Variants in RNF130 observed in about 807,000 individuals in gnomAD.
The protein encoded by RNF130 is E3 ubiquitin-protein ligase RNF130.
RNF130 carries 21 observed loss-of-function variants against 44.6 expected under a neutral mutation model. That is an observed-to-expected ratio of 0.47 (90% CI 0.33 to 0.68). The LOEUF (loss-of-function observed/expected upper bound fraction) is 0.68, where lower values mean the gene tolerates loss of function less well. Among genes scored for constraint, RNF130 ranks in the 30% least tolerant of loss-of-function variants. The pLI, the probability that RNF130 is intolerant of heterozygous loss-of-function variation, is 0.02. For missense variants in RNF130, 479 were observed against 560.6 expected, an observed-to-expected ratio of 0.85 and a Z score of 1.47; for synonymous variants, 214 against 210.4, an observed-to-expected ratio of 1.02 and a Z score of -0.15.
intron 7 of RNF130, among the ~76,000 whole-genome samples, chr5:179,949,406 C>G (rs1263669075): frequency 6.6e-6 from 1 of 151,410 alleles, no homozygotes; most frequent in Non-Finnish European, 1.5e-5. Context: ...CTTATAAGAA[C>G]AAGCCACCAT....
intron 2 of RNF130, among the ~76,000 whole-genome samples, chr5:180,036,418 C>T (rs777720835): frequency 2.0e-5 from 3 of 152,190 alleles, no homozygotes; most frequent in Non-Finnish European, 4.4e-5. Context: ...TGGTGTCATT[C>T]ACCACTGCAA....
chr5:179,942,598 C>T (rs571991127), intron 7 of RNF130, among the ~76,000 whole-genome samples: 49 of 152,150 alleles, frequency 3.2e-4, no homozygotes, highest in African/African-American at 1.1e-3. Context: ...ATTGTTGATG[C>T]GGATGCAAAA....
intron 2 of RNF130, among the ~76,000 whole-genome samples, chr5:180,030,786 T>C (rs750640668): frequency 6.6e-6 from 1 of 152,254 alleles, no homozygotes; most frequent in Non-Finnish European, 1.5e-5. Context: ...AATGGAATCA[T>C]ATAATAGTAG....
At chr5:179,965,380 G>A (rs557452193) in intron 7 of RNF130, among the ~76,000 whole-genome samples, 6 of 152,310 alleles carry the variant, frequency 3.9e-5, no homozygotes, top group Non-Finnish European at 5.9e-5. Flanking sequence ...GTTCAATCAC[G>A]TGGGTTTTAT....
At chr5:179,999,629 G>C (rs1763288548) in intron 3 of RNF130, among the ~76,000 whole-genome samples, 1 of 152,112 alleles carries the variant, frequency 6.6e-6, no homozygotes, top group African/African-American at 2.4e-5. Context: ...AGGCAGGAGA[G>C]TTGTTTGAAC....
chr5:179,988,878 T>G (rs866279493), intron 3 of RNF130, among the ~76,000 whole-genome samples: 1 of 152,252 alleles, frequency 6.6e-6, no homozygotes, highest in Non-Finnish European at 1.5e-5. Context: ...CAGTGTTCTG[T>G]AAATGTCTGT....
At chr5:180,056,223 A>G (rs577336623) in intron 1 of RNF130, among the ~76,000 whole-genome samples, 1 of 151,686 alleles carries the variant, frequency 6.6e-6, no homozygotes, top group African/African-American at 2.4e-5. Context: ...TCTTAGCCTA[A>G]GTGTTGAGCC....
intron 3 of RNF130, among the ~76,000 whole-genome samples, chr5:180,007,691 C>T (rs1300554907): frequency 1.3e-5 from 2 of 152,220 alleles, no homozygotes; most frequent in Non-Finnish European, 2.9e-5. Context: ...ATCCTGCATG[C>T]AGTCAGCCGC....
chr5:179,994,783 T>C (rs1166802831), intron 3 of RNF130, among the ~76,000 whole-genome samples: 3 of 152,230 alleles, frequency 2.0e-5, no homozygotes, highest in African/African-American at 4.8e-5. Flanking sequence ...GATGTTGTAA[T>C]GGGCTGTGTG....
intron 7 of RNF130, among the ~76,000 whole-genome samples, chr5:179,964,703 C>G (rs1762404328): frequency 6.6e-6 from 1 of 152,190 alleles, no homozygotes; most frequent in Non-Finnish European, 1.5e-5. Context: ...TGGTGACTTT[C>G]AAAAGGTCAC....
At chr5:180,051,533 C>T (rs897967602) in intron 1 of RNF130, among the ~76,000 whole-genome samples, 13 of 152,210 alleles carry the variant, frequency 8.5e-5, no homozygotes, top group South Asian at 4.1e-4. Context: ...CACCGCGCCC[C>T]GGCCTTTGTA....
intron 2 of RNF130, among the ~76,000 whole-genome samples, chr5:180,028,767 C>G (rs2113118572): frequency 6.6e-6 from 1 of 152,202 alleles, no homozygotes; most frequent in Admixed American, 6.5e-5. Context: ...TAAATCGATA[C>G]CTGTTGATTA....
chr5:180,009,999 G>A (rs942032203), intron 3 of RNF130, among the ~76,000 whole-genome samples: 1 of 152,244 alleles, frequency 6.6e-6, no homozygotes. Flanking sequence ...TGTAATCCCA[G>A]CACTTTGGGA....
intron 3 of RNF130, among the ~76,000 whole-genome samples, chr5:179,998,746 C>T (rs1366923489): frequency 6.6e-6 from 1 of 150,862 alleles, no homozygotes; most frequent in East Asian, 1.9e-4. Context: ...AGTTTAAACC[C>T]AATGTTTCTT....
At chr5:180,057,601 C>G (rs561173332) in intron 1 of RNF130, among the ~76,000 whole-genome samples, 1 of 151,956 alleles carries the variant, frequency 6.6e-6, no homozygotes, top group South Asian at 2.1e-4. Flanking sequence ...AAACTTTAAA[C>G]AACAGGGTTC....
intron 1 of RNF130, among the ~76,000 whole-genome samples, chr5:180,048,063 T>C (rs183084781): frequency 6.6e-6 from 1 of 152,054 alleles, no homozygotes; most frequent in African/African-American, 2.4e-5. Flanking sequence ...AGCCCTCTTC[T>C]GAGAAATTAT....
intron 1 of RNF130, among the ~76,000 whole-genome samples, chr5:180,059,822 G>C (rs1463137391): frequency 6.6e-6 from 1 of 152,200 alleles, no homozygotes; most frequent in East Asian, 1.9e-4. Flanking sequence ...TGCTACGTGA[G>C]AGAGGCAGAA....
In RNF130 at chr5:180,047,938, T is replaced by G. The variant is rs530424048; in HGVS notation, c.248-7291A>C. On this transcript the variant is annotated intron_variant, in intron 1 of 8. Transcript: ENST00000521389. Reference sequence around the variant, plus strand: ...CTTCAATACTGACGCTCCCGAGTACTCTGCCTTCCCTGGCGTGGGCCCAGG... The same window carrying G: ...CTTCAATACTGACGCTCCCGAGTACGCTGCCTTCCCTGGCGTGGGCCCAGG... Among the ~76,000 whole-genome samples the G allele has an allele frequency of 6.6e-5, 10 of 151,604 alleles. No individual in the cohort carries two copies. The South Asian group carries it at 1.9e-3, about 29-fold the overall frequency.
intron 1 of RNF130, among the ~76,000 whole-genome samples, chr5:180,063,999 A>G (rs187235330): frequency 3.9e-5 from 6 of 152,346 alleles, no homozygotes; most frequent in Non-Finnish European, 7.3e-5. Context: ...ACTGTGCCCA[A>G]TTCCATTACC....
Sources: gnomAD v4.1 joint callset for allele counts (sites outside exome capture counted in the v4.1 genomes callset) on GRCh38, gnomAD v4.1.1 for gene constraint, MANE v1.5 for transcripts, NCBI Gene and HGNC (gene_info 2026-07-23, HGNC 2026-07-21) for gene names.